Variants in NR5A2 observed in about 807,000 individuals in gnomAD.
NR5A2 encodes the protein nuclear receptor subfamily 5 group A member 2, also known as CYP7A promoter-binding factor.
NR5A2 carries 26 observed loss-of-function variants against 62.7 expected under a neutral mutation model. The ratio of observed to expected loss-of-function variants is 0.41; its 90% CI spans 0.30 to 0.58. The LOEUF is 0.58. NR5A2 is among the 20% of genes least tolerant of loss of function. The probability of loss-of-function intolerance (pLI) is 0.22; values close to 1 mark genes in which losing one functional copy is unlikely to be tolerated. For missense variants in NR5A2, 541 were observed against 669.1 expected (o/e 0.81, Z 2.11); for synonymous variants, 246 against 241.7 (o/e 1.02, Z -0.16).
intron 7 of NR5A2, among the ~76,000 whole-genome samples, chr1:200,164,545 T>C (rs1418243920): frequency 6.7e-6 from 1 of 149,368 alleles, no homozygotes; most frequent in Non-Finnish European, 1.5e-5. Flanking sequence ...TAGATTTTAA[T>C]AGACTTTTTT....
rs1367948547 is a variant in NR5A2 at position 200,176,121 on chromosome 1, C to T, written c.*1911C>T. ...TTCACTTGATTAAATGTCTGTAAAT[C>T]TTCATCATTCCTACTGTAGTTTATT... On this transcript the variant is annotated 3_prime_UTR_variant, in exon 8 of 8. Coordinates refer to ENST00000367362, the MANE Select transcript of NR5A2 (RefSeq NM_205860.3). The T allele has an allele frequency of 6.6e-6, 1 of 152,590 alleles. No homozygotes were observed. Among genetic ancestry groups the T allele is most frequent in the East Asian group, 1.9e-4 (1 of 5,200 alleles). The allele number at this position is 152,590 out of a possible 1,614,324, so 9.5% of individuals were successfully genotyped here. A position where few individuals can be genotyped will look rare whatever the true frequency, so the allele number is the denominator to read the frequency against.
At chr1:200,072,178 T>C (rs1663765670) in intron 5 of NR5A2, among the ~76,000 whole-genome samples, 1 of 152,196 alleles carries the variant, frequency 6.6e-6, no homozygotes, top group Non-Finnish European at 1.5e-5. Context: ...CTTCTAATAC[T>C]GGGAAACCCT....
In NR5A2 at chr1:200,045,419, C is replaced by T. The variant is rs367671769; in HGVS notation, c.322-24C>T. 2.6e-6 allele frequency: 4 copies of T among 1,555,950 alleles called. No homozygotes were observed. In the African/African-American group the frequency reaches 5.6e-5, roughly 22 times the overall value. ...GACGGGTGTTAGATTTATAATACGTCTCACTATTTTCTCTGTCTTATAGGG... is the reference window on the plus strand; with the variant it reads ...GACGGGTGTTAGATTTATAATACGTTTCACTATTTTCTCTGTCTTATAGGG... On this transcript the variant is annotated intron_variant, in intron 3 of 7. Transcript: ENST00000367362.
intron 5 of NR5A2, among the ~76,000 whole-genome samples, chr1:200,101,621 G>A (rs189377729): frequency 1.3e-5 from 2 of 152,248 alleles, no homozygotes. Flanking sequence ...TGAAGCAATG[G>A]AATGTGATTG....
intron 7 of NR5A2, among the ~76,000 whole-genome samples, chr1:200,140,768 C>T (rs186385979): frequency 8.5e-5 from 13 of 152,322 alleles, no homozygotes; most frequent in Admixed American, 3.3e-4. Flanking sequence ...CAGTGGCTAA[C>T]GCCTATAATC....
At chr1:200,152,725 A>G (rs1653187698) in intron 7 of NR5A2, among the ~76,000 whole-genome samples, 1 of 151,612 alleles carries the variant, frequency 6.6e-6, no homozygotes, top group Non-Finnish European at 1.5e-5. Context: ...TTTTTTTTCT[A>G]TTTCGTTTTT....
intron 5 of NR5A2, among the ~76,000 whole-genome samples, chr1:200,065,669 T>C (rs1016894786): frequency 3.3e-5 from 5 of 152,118 alleles, no homozygotes; most frequent in Non-Finnish European, 5.9e-5. Flanking sequence ...TCAACATACA[T>C]TAATTAAGTA....
At chr1:200,038,569 A>G in intron 1 of NR5A2, 4 of 531,824 alleles carry the variant, frequency 7.5e-6, no homozygotes, top group South Asian at 6.1e-5. Flanking sequence ...TCTGCATGTA[A>G]GAACGGTCAG....
intron 7 of NR5A2, among the ~76,000 whole-genome samples, chr1:200,157,931 G>A (rs201138859): frequency 1.3e-5 from 2 of 152,172 alleles, no homozygotes; most frequent in African/African-American, 4.8e-5. Flanking sequence ...AGCTCTTAAA[G>A]AGTAGCTTTA....
chr1:200,128,900 T>A (rs1381831662), intron 7 of NR5A2, among the ~76,000 whole-genome samples: 1 of 152,198 alleles, frequency 6.6e-6, no homozygotes, highest in Admixed American at 6.5e-5. Flanking sequence ...TTATTTGCAG[T>A]GGTTAGTTTT....
intron 5 of NR5A2, among the ~76,000 whole-genome samples, chr1:200,103,366 C>T (rs1191763338): frequency 4.6e-5 from 7 of 152,086 alleles, no homozygotes; most frequent in Admixed American, 2.0e-4. Flanking sequence ...CTGATCCACC[C>T]GCCTTGGCCT....
intron 5 of NR5A2, among the ~76,000 whole-genome samples, chr1:200,053,575 A>G (rs1019056592): frequency 2.6e-3 from 365 of 140,388 alleles, no homozygotes; most frequent in African/African-American, 7.6e-3. Flanking sequence ...ACACGCACAC[A>G]CACACACACA....
intron 2 of NR5A2, 133 bp from the exon 3 acceptor site, chr1:200,043,641 C>T (rs1286931074): frequency 5.4e-6 from 3 of 557,596 alleles, no homozygotes; most frequent in East Asian, 5.9e-5. Context: ...TAAGACCTTG[C>T]TAAAAATTGT....
At chr1:200,138,259 G>A (rs1489447248) in intron 7 of NR5A2, among the ~76,000 whole-genome samples, 4 of 152,150 alleles carry the variant, frequency 2.6e-5, no homozygotes, top group African/African-American at 4.8e-5. Flanking sequence ...CTGTCAAAGT[G>A]TTCTCCAAAG....
chr1:200,033,949 C>T (rs148075443), intron 1 of NR5A2, among the ~76,000 whole-genome samples: 19 of 152,318 alleles, frequency 1.2e-4, no homozygotes, highest in African/African-American at 4.1e-4. Context: ...GAATCAGAAG[C>T]TCAGGCAGGG....
At chr1:200,051,818 G>C (rs921191143) in intron 5 of NR5A2, among the ~76,000 whole-genome samples, 22 of 152,240 alleles carry the variant, frequency 1.4e-4, no homozygotes, top group Admixed American at 1.4e-3. Flanking sequence ...AGCCAGGATT[G>C]AGACATCTCT....
At chr1:200,041,079 G>A (rs1246653201) in intron 2 of NR5A2, among the ~76,000 whole-genome samples, 2 of 152,146 alleles carry the variant, frequency 1.3e-5, no homozygotes, top group African/African-American at 4.8e-5. Context: ...CGGGGAAGTG[G>A]CGCTGGGGGG....
Position 200,147,740 on chromosome 1 carries a change from C to T in NR5A2, c.1379-26223C>T, listed in dbSNP as rs1461970086. 7 of 566,762 alleles carry T rather than the reference C, an allele frequency of 1.2e-5. No individual in the cohort carries two copies. Among genetic ancestry groups the T allele is most frequent in the African/African-American group, 7.6e-5 (4 of 52,548 alleles). The allele number at this position is 566,762 out of a possible 1,614,324, so 35.1% of individuals were successfully genotyped here. On this transcript the variant is annotated intron_variant, in intron 7 of 7. Transcript: ENST00000367362. This position sits in a 1 kb window ranked among gnomAD's most constrained non-coding sequence, Gnocchi z 4.9. ...TCCCTGAGCGCCTCTCCCACGTCCA[C>T]GGTGAAGACGCGGATGCCGGCGCGA... is the stretch of plus-strand genomic sequence containing the variant.
intron 5 of NR5A2, among the ~76,000 whole-genome samples, chr1:200,096,343 C>T (rs1434809909): frequency 6.6e-6 from 1 of 152,192 alleles, no homozygotes; most frequent in Admixed American, 6.5e-5. Context: ...CTATGTCAGC[C>T]TCCCAAAGTG....
Sources: allele counts gnomAD v4.1 joint callset (sites outside exome capture counted in the v4.1 genomes callset), GRCh38; gene constraint gnomAD v4.1.1; non-coding constraint Gnocchi (gnomAD v3.1); transcripts MANE v1.5; gene names NCBI Gene and HGNC (gene_info 2026-07-23, HGNC 2026-07-21).